Variants in WDR49 observed in about 807,000 individuals in gnomAD.
WDR49 encodes cilia- and flagella-associated protein 337.
Under a neutral mutation model 119.5 loss-of-function variants are expected in WDR49, and 107 were observed. The observed-to-expected ratio is 0.90, with a 90% CI of 0.77 to 1.05. The LOEUF (loss-of-function observed/expected upper bound fraction) is 1.05, where lower values mean the gene tolerates loss of function less well. Ranked by LOEUF, WDR49 falls within the 50% of genes least tolerant of loss-of-function variation. The probability of loss-of-function intolerance (pLI) is 0.00; values close to 1 mark genes in which losing one functional copy is unlikely to be tolerated. For synonymous variants in WDR49, 425 were observed against 418.8 expected, an observed-to-expected ratio of 1.01 and a Z score of -0.18; for missense variants, 1,240 against 1,220.5, an observed-to-expected ratio of 1.02 and a Z score of -0.24.
At chr3:167,554,943 T>A in intron 9 of WDR49, 145 bp from the exon 10 acceptor site, 3 of 580,950 alleles carry the variant, frequency 5.2e-6, no homozygotes, top group Non-Finnish European at 8.8e-6. Context: ...CTTGTAATAT[T>A]GTGAAATATC....
chr3:167,569,617 A>G (rs1713812902), intron 8 of WDR49, among the ~76,000 whole-genome samples: 1 of 151,208 alleles, frequency 6.6e-6, no homozygotes, highest in Non-Finnish European at 1.5e-5. Flanking sequence ...CAGTCACCTG[A>G]GGCCAGGAGT....
intron 5 of WDR49, among the ~76,000 whole-genome samples, chr3:167,607,352 T>C (rs1457072743): frequency 1.3e-5 from 2 of 152,148 alleles, no homozygotes; most frequent in Non-Finnish European, 2.9e-5. Context: ...CATTTTGGGG[T>C]ATCACTTTCT....
At chr3:167,625,285 C>T (rs762965452) in intron 3 of WDR49, among the ~76,000 whole-genome samples, 1 of 152,012 alleles carries the variant, frequency 6.6e-6, no homozygotes, top group African/African-American at 2.4e-5. Flanking sequence ...CAGAAGCCGA[C>T]TTGCATTGTT....
Position 167,599,460 on chromosome 3 carries a change from C to T in WDR49, c.1275+2667G>A, listed in dbSNP as rs187807818. Among the ~76,000 whole-genome samples the T allele has an allele frequency of 5.1e-4, 78 of 152,152 alleles. 1 individual carries two copies. Among genetic ancestry groups the T allele is most frequent in the Admixed American group, 3.7e-3 (57 of 15,278 alleles). ...CAGCTTGTGGTGAAGTCGGCCAAGC[C>T]TGAGACTCACCCTTCAGGGCAGTGG... On this transcript the variant is annotated intron_variant, in intron 7 of 18. Transcript: ENST00000682715.
chr3:167,538,505 C>G (rs181031639), intron 10 of WDR49, among the ~76,000 whole-genome samples: 1 of 152,174 alleles, frequency 6.6e-6, no homozygotes, highest in East Asian at 1.9e-4. Flanking sequence ...CTTATTGTAA[C>G]AGCGTACTGA....
At chr3:167,505,870 T>C (rs1751750401) in intron 16 of WDR49, among the ~76,000 whole-genome samples, 1 of 152,224 alleles carries the variant, frequency 6.6e-6, no homozygotes. Flanking sequence ...TGAGGCTTTC[T>C]CATATGAATC....
At chr3:167,523,149 C>T (rs776244204) in intron 15 of WDR49, among the ~76,000 whole-genome samples, 5 of 152,000 alleles carry the variant, frequency 3.3e-5, no homozygotes, top group Admixed American at 1.3e-4. Flanking sequence ...TTGGCTGGTG[C>T]GCAAATTGAT....
At chr3:167,629,463 A>G (rs538317144) in intron 2 of WDR49, among the ~76,000 whole-genome samples, 1 of 152,170 alleles carries the variant, frequency 6.6e-6, no homozygotes, top group East Asian at 1.9e-4. Flanking sequence ...GTACAAGGGG[A>G]TTAATATTGT....
At chr3:167,545,669 A>G (rs1466054115) in intron 10 of WDR49, among the ~76,000 whole-genome samples, 2 of 150,360 alleles carry the variant, frequency 1.3e-5, no homozygotes, top group East Asian at 3.9e-4. Flanking sequence ...CTATGAGGAT[A>G]CAAAGGCATG....
At chr3:167,618,412 ATTG>A (rs1716703847) in intron 5 of WDR49, among the ~76,000 whole-genome samples, 1 of 152,296 alleles carries the variant, frequency 6.6e-6, no homozygotes, top group East Asian at 1.9e-4. Context: ...TCAATAAATA[ATTG>A]TTGATTGATT....
At chr3:167,550,881 A>G (rs1712518712) in intron 10 of WDR49, among the ~76,000 whole-genome samples, 1 of 151,672 alleles carries the variant, frequency 6.6e-6, no homozygotes. Flanking sequence ...TACTAGAACT[A>G]TACATATTAT....
chr3:167,500,408 T>A, intron 17 of WDR49, 109 bp from the exon 18 acceptor site: 1 of 1,321,160 alleles, frequency 7.6e-7, no homozygotes, highest in Non-Finnish European at 1.0e-6. Context: ...AAATTTAACC[T>A]TCCTGTTACT....
chr3:167,503,547 GT>G (rs1418867770), intron 17 of WDR49, among the ~76,000 whole-genome samples: 3 of 152,222 alleles, frequency 2.0e-5, no homozygotes, highest in Non-Finnish European at 4.4e-5. Context: ...CCAGTGACTA[GT>G]GTTCAGCTCA....
intron 6 of WDR49, among the ~76,000 whole-genome samples, chr3:167,602,699 T>G (rs982645102): frequency 6.6e-6 from 1 of 152,126 alleles, no homozygotes; most frequent in Non-Finnish European, 1.5e-5. Context: ...TGAAAGTTCA[T>G]AAATTAATTA....
At chr3:167,510,691 G>T (rs1443465876) in intron 16 of WDR49, among the ~76,000 whole-genome samples, 1 of 152,070 alleles carries the variant, frequency 6.6e-6, no homozygotes, top group Non-Finnish European at 1.5e-5. Context: ...TAAGCCAGAA[G>T]ATAATATACA....
intron 2 of WDR49, among the ~76,000 whole-genome samples, chr3:167,639,266 C>T (rs1330849793): frequency 1.3e-5 from 2 of 151,700 alleles, no homozygotes; most frequent in Non-Finnish European, 1.5e-5. Flanking sequence ...GAAGTTTATG[C>T]ATCCATAGGA....
At chr3:167,525,557 A>G (rs1168890340) in intron 15 of WDR49, among the ~76,000 whole-genome samples, 1 of 152,114 alleles carries the variant, frequency 6.6e-6, no homozygotes, top group Non-Finnish European at 1.5e-5. Context: ...AATCAATCAG[A>G]TGAGGAGAGT....
chr3:167,498,165 A>G (rs912498238), intron 18 of WDR49, among the ~76,000 whole-genome samples: 5 of 152,184 alleles, frequency 3.3e-5, no homozygotes, highest in African/African-American at 1.2e-4. Flanking sequence ...AAGGTGAATC[A>G]TCCTGGTGAA....
At chr3:167,527,475 CT>C (rs1246247018) in intron 15 of WDR49, among the ~76,000 whole-genome samples, 1 of 151,960 alleles carries the variant, frequency 6.6e-6, no homozygotes, top group Non-Finnish European at 1.5e-5. Flanking sequence ...TCATAATCAC[CT>C]GTCTTTTTAG....
Sources: allele counts gnomAD v4.1 joint callset (sites outside exome capture counted in the v4.1 genomes callset), GRCh38; gene constraint gnomAD v4.1.1; transcripts MANE v1.5; gene names NCBI Gene and HGNC (gene_info 2026-07-23, HGNC 2026-07-21).